PYHIN1: variants seen among roughly 807,000 people sequenced by gnomAD.
The protein encoded by PYHIN1 is pyrin and HIN domain family member 1, also known as pyrin and HIN domain-containing protein 1.
In PYHIN1, 32 loss-of-function variants were observed where a neutral mutation model predicts 43.7. The ratio of observed to expected loss-of-function variants is 0.73; its 90% CI spans 0.55 to 0.98. The LOEUF (loss-of-function observed/expected upper bound fraction) is 0.98, where lower values mean the gene tolerates loss of function less well. Ranked by LOEUF, PYHIN1 falls within the 50% of genes least tolerant of loss-of-function variation. The pLI is 0.00. For missense variants in PYHIN1, 588 were observed against 589.5 expected, an observed-to-expected ratio of 1.00 and a Z score of 0.03; for synonymous variants, 205 against 203.1, an observed-to-expected ratio of 1.01 and a Z score of -0.08.
rs969736693 is a variant in PYHIN1 at position 158,931,622 on chromosome 1, T to C, written c.-175T>C. The C allele has an allele frequency of 3.3e-5, 5 of 152,206 alleles. No homozygotes were observed. The highest frequency in any genetic ancestry group is 1.2e-4 in the African/African-American group (5 of 41,446). 9.4% of individuals were successfully genotyped at this position (152,206 alleles called of 1,614,324 possible). A position where few individuals can be genotyped will look rare whatever the true frequency, so the allele number is the denominator to read the frequency against. The stretch of plus-strand genomic sequence containing the variant: ...CATTTTCCCTTGTTGTCTTTGAAAA[T>C]ACTTCATTTTCTTAGCATTTCAGGA... On this transcript the variant is annotated 5_prime_UTR_variant, in exon 1 of 9. Transcript: ENST00000368140.
intron 4 of PYHIN1, chr1:158,940,086 T>A (rs1371973709): frequency 6.6e-6 from 1 of 152,548 alleles, no homozygotes; most frequent in Non-Finnish European, 1.5e-5. Context: ...ATTAGCTGGG[T>A]ATGGTGGCTT....
chr1:158,990,123 A>C, the PYHIN1 span, among the ~76,000 whole-genome samples: 4 of 152,330 alleles, frequency 2.6e-5, no homozygotes, highest in Non-Finnish European at 1.5e-5. Flanking sequence ...AAGATGGCCA[A>C]ATTTAATTTT....
At chr1:158,981,458 C>T (rs923263403), downstream of PYHIN1, among the ~76,000 whole-genome samples, 4 of 151,952 alleles carry the variant, frequency 2.6e-5, no homozygotes, top group Admixed American at 6.6e-5. Flanking sequence ...GGGACAAGAG[C>T]GAGACTCTGA....
intron 1 of PYHIN1, among the ~76,000 whole-genome samples, chr1:158,935,270 T>C (rs1363916306): frequency 7.5e-6 from 1 of 132,732 alleles, no homozygotes; most frequent in Admixed American, 7.9e-5. Context: ...ATGTAAGATA[T>C]AAGGAACACA....
the PYHIN1 span, among the ~76,000 whole-genome samples, chr1:158,982,187 A>C: frequency 3.3e-5 from 5 of 152,072 alleles, no homozygotes; most frequent in South Asian, 1.0e-3. Context: ...TTGCTTTTGG[A>C]GTCTTTGTCA....
intron 1 of PYHIN1, among the ~76,000 whole-genome samples, chr1:158,936,447 A>G (rs1306828321): frequency 6.6e-6 from 1 of 152,094 alleles, no homozygotes; most frequent in African/African-American, 2.4e-5. Flanking sequence ...TTGATGCTCA[A>G]TAGAATACTG....
chr1:158,944,768 A>T, intron 6 of PYHIN1, 107 bp from the exon 7 acceptor site: 1 of 807,952 alleles, frequency 1.2e-6, no homozygotes, highest in Non-Finnish European at 1.8e-6. Flanking sequence ...CTTTGAAGGT[A>T]ATGACATCTA....
chr1:158,964,750 A>G (rs373663110), intron 7 of PYHIN1, among the ~76,000 whole-genome samples: 6 of 152,368 alleles, frequency 3.9e-5, no homozygotes, highest in East Asian at 3.8e-4. Flanking sequence ...CTAAGTATGA[A>G]AAGGAAAGAA....
the PYHIN1 span, among the ~76,000 whole-genome samples, chr1:158,986,648 T>G: frequency 6.6e-6 from 1 of 152,166 alleles, no homozygotes; most frequent in Admixed American, 6.5e-5. Flanking sequence ...GACACTCTGA[T>G]CAAACCAGCC....
chr1:158,940,590 C>A (rs148926345), intron 4 of PYHIN1, among the ~76,000 whole-genome samples: 1 of 152,172 alleles, frequency 6.6e-6, no homozygotes, highest in East Asian at 1.9e-4. Context: ...CTCTAATGAG[C>A]TTTATTATTA....
chr1:158,932,492 G>A (rs1415586840), intron 1 of PYHIN1, among the ~76,000 whole-genome samples: 5 of 152,066 alleles, frequency 3.3e-5, no homozygotes, highest in African/African-American at 4.8e-5. Context: ...ATAATGATGT[G>A]CACAAAGTAT....
intron 7 of PYHIN1, among the ~76,000 whole-genome samples, chr1:158,958,207 A>T (rs2101700082): frequency 6.6e-6 from 1 of 151,986 alleles, no homozygotes. Flanking sequence ...GCGATTCCTC[A>T]GGGATCTAGA....
intron 7 of PYHIN1, 55 bp downstream of exon 7, chr1:158,945,097 C>A (rs1649151066): frequency 1.3e-6 from 2 of 1,501,740 alleles, no homozygotes; most frequent in African/African-American, 1.4e-5. Flanking sequence ...TTACAAGGAT[C>A]ATTAGATTGT....
At chr1:158,943,381 T>C (rs1470926240) in intron 5 of PYHIN1, among the ~76,000 whole-genome samples, 2 of 152,236 alleles carry the variant, frequency 1.3e-5, no homozygotes, top group African/African-American at 4.8e-5. Flanking sequence ...AGAAGCTTGT[T>C]TTTTATTACA....
chr1:158,940,036 C>T (rs1403399707), intron 4 of PYHIN1: 1 of 153,684 alleles, frequency 6.5e-6, no homozygotes, highest in African/African-American at 2.4e-5. Flanking sequence ...CTAGTCTGGC[C>T]AACATGGTGA....
intron 7 of PYHIN1, among the ~76,000 whole-genome samples, chr1:158,956,101 G>T (rs1055163438): frequency 2.1e-5 from 3 of 143,390 alleles, no homozygotes; most frequent in Non-Finnish European, 1.5e-5. Flanking sequence ...TGAAATTGTG[G>T]CAATAATCAA....
chr1:158,941,546 G>C (rs11265121), intron 4 of PYHIN1, among the ~76,000 whole-genome samples: 69,104 of 152,032 alleles, frequency 0.45, 16,484 homozygotes, highest in Admixed American at 0.54. Context: ...AAACACTGTT[G>C]ATGTATGTGG....
At chr1:158,952,262 G>T (rs1553197856) in intron 7 of PYHIN1, among the ~76,000 whole-genome samples, 1 of 152,100 alleles carries the variant, frequency 6.6e-6, no homozygotes, top group Non-Finnish European at 1.5e-5. Context: ...GTTCCTAGGA[G>T]CATTAGCTGG....
At chr1:158,983,829 CTGTTTAGGTATTCAA>C in the PYHIN1 span, among the ~76,000 whole-genome samples, 1 of 151,964 alleles carries the variant, frequency 6.6e-6, no homozygotes, top group Non-Finnish European at 1.5e-5. Flanking sequence ...TGTTATTGAT[CTGTTTAGGTATTCAA>C]TGTCTTCCTG....
Sources: gnomAD v4.1 joint callset for allele counts (sites outside exome capture counted in the v4.1 genomes callset) on GRCh38, gnomAD v4.1.1 for gene constraint, MANE v1.5 for transcripts, NCBI Gene and HGNC (gene_info 2026-07-23, HGNC 2026-07-21) for gene names.